GIN1: variants seen among roughly 807,000 people sequenced by gnomAD.
GIN1 encodes the protein gypsy retrotransposon integrase-like protein 1.
Under a neutral mutation model 51.4 loss-of-function variants are expected in GIN1, and 41 were observed. That is an observed-to-expected ratio of 0.80 (90% CI 0.62 to 1.04). The LOEUF (loss-of-function observed/expected upper bound fraction) is 1.04. GIN1 is among the 50% of genes least tolerant of loss of function. GIN1 has a pLI of 0.00. For synonymous variants in GIN1, 222 were observed against 206.5 expected, an observed-to-expected ratio of 1.07 and a Z score of -0.64; for missense variants, 610 against 612.4, an observed-to-expected ratio of 1.00 and a Z score of 0.04.
At chr5:103,107,903 G>A (rs1787770081) in intron 2 of GIN1, among the ~76,000 whole-genome samples, 1 of 152,048 alleles carries the variant, frequency 6.6e-6, no homozygotes, top group South Asian at 2.1e-4. Context: ...GTAAGCCTAA[G>A]AGGCAAAATT....
At chr5:103,093,353 C>T (rs1787307416) in intron 7 of GIN1, among the ~76,000 whole-genome samples, 2 of 152,088 alleles carry the variant, frequency 1.3e-5, no homozygotes, top group African/African-American at 4.8e-5. Context: ...AAGAAGGACT[C>T]AACCCACTAT....
chr5:103,106,890 A>G lies in GIN1; in HGVS notation c.159T>C (p.Val53=). The part of the protein sequence containing the change: ...FVFKEKKLFY[V]GKDRKQNRLV... ...AACGATTTTGTTTTCTGTCTTTTCC[A>G]ACATAAAACAGCTTTTTTTCTGGAA... Residue 53 remains valine, a synonymous_variant, in exon 3 of 8, where the codon GTT becomes GTC. Transcript: ENST00000399004. 1.3e-6 allele frequency: 2 copies of G among 1,566,520 alleles called. No individual in the cohort carries two copies. The highest frequency in any genetic ancestry group is 1.2e-5 in the South Asian group (1 of 84,040).
intron 4 of GIN1, among the ~76,000 whole-genome samples, chr5:103,104,213 A>C (rs1227116479): frequency 6.6e-6 from 1 of 152,164 alleles, no homozygotes; most frequent in Non-Finnish European, 1.5e-5. Flanking sequence ...TCAGCCTCCT[A>C]AACTGTTGGG....
intron 4 of GIN1, among the ~76,000 whole-genome samples, chr5:103,100,264 T>C (rs928419135): frequency 2.6e-5 from 4 of 152,018 alleles, no homozygotes; most frequent in Admixed American, 2.0e-4. Flanking sequence ...CACTCCTGGC[T>C]AATTGTTGCA....
At chr5:103,098,835 T>C (rs1241116556) in intron 4 of GIN1, among the ~76,000 whole-genome samples, 1 of 152,200 alleles carries the variant, frequency 6.6e-6, no homozygotes, top group African/African-American at 2.4e-5. Flanking sequence ...TTAAAAAGCA[T>C]GTAAAACAGT....
chr5:103,102,191 T>C (rs529328015), intron 4 of GIN1: 8 of 152,346 alleles, frequency 5.3e-5, no homozygotes, highest in African/African-American at 1.4e-4. Context: ...CTGAAAATAC[T>C]TTTGGTATTG....
Position 103,106,833 on chromosome 5 carries a change from T to C in GIN1, c.216A>G (p.Lys72=). 1 of 1,603,222 alleles carries C rather than the reference T, an allele frequency of 6.2e-7. No homozygotes were observed. Among genetic ancestry groups the C allele is most frequent in the Non-Finnish European group, 8.5e-7 (1 of 1,173,630 alleles). Reference sequence around the variant, plus strand: ...CATTTTCATGGCATTCTCTTAAGACTTTCTTTTTTTCCTCTTCTGAAACAA... The same window carrying C: ...CATTTTCATGGCATTCTCTTAAGACCTTCTTTTTTTCCTCTTCTGAAACAA... The part of the protein sequence containing the change: ...LVIVSEEEKK[K]VLRECHENDS... The change falls in exon 3 of 8, where the codon AAA becomes AAG. Residue 72 remains lysine (K), a synonymous_variant. Coordinates refer to ENST00000399004, the MANE Select transcript of GIN1 (RefSeq NM_017676.2).
chr5:103,117,836 A>T (rs1044358908), intron 1 of GIN1, among the ~76,000 whole-genome samples: 1 of 152,138 alleles, frequency 6.6e-6, no homozygotes, highest in African/African-American at 2.4e-5. Context: ...ACTCAAGGTA[A>T]TAAAGTGAGT....
intron 7 of GIN1, among the ~76,000 whole-genome samples, chr5:103,090,901 AC>A (rs1554194476): frequency 3.1e-5 from 2 of 65,362 alleles, no homozygotes; most frequent in Non-Finnish European, 6.8e-5. Flanking sequence ...TCACACACGA[AC>A]ACACACACAC....
chr5:103,110,130 G>T (rs1405168890), intron 1 of GIN1, among the ~76,000 whole-genome samples: 1 of 151,466 alleles, frequency 6.6e-6, no homozygotes, highest in African/African-American at 2.4e-5. Context: ...AAATAACAAT[G>T]ATTCTGGAAG....
chr5:103,106,963 T>C, intron 2 of GIN1, 54 bp from the exon 3 acceptor site: 1 of 944,470 alleles, frequency 1.1e-6, no homozygotes, highest in Non-Finnish European at 1.6e-6. Flanking sequence ...ATCTACGTAG[T>C]TTTAAGAGAA....
chr5:103,090,668 T>C (rs1249779042), intron 7 of GIN1, among the ~76,000 whole-genome samples: 7 of 152,160 alleles, frequency 4.6e-5, no homozygotes, highest in Admixed American at 4.6e-4. Context: ...AGTTTTTTCA[T>C]ACAGATGAAG....
intron 2 of GIN1, among the ~76,000 whole-genome samples, chr5:103,107,401 C>T (rs1787757328): frequency 1.3e-5 from 2 of 152,048 alleles, no homozygotes; most frequent in Admixed American, 6.6e-5. Flanking sequence ...GATGGTGAAG[C>T]GGGCAAGTGG....
intron 1 of GIN1, among the ~76,000 whole-genome samples, chr5:103,117,902 C>T (rs1214986751): frequency 1.3e-5 from 2 of 152,078 alleles, no homozygotes; most frequent in East Asian, 1.9e-4. Context: ...ACGCTTTTCC[C>T]CCCTGCTATA....
rs1384508959 is a variant in GIN1, at chr5:103,086,765, C to T, written c.*1133G>A. 6.6e-6 allele frequency: 1 copy of T among 152,202 alleles called. No homozygotes were observed. The highest frequency in any genetic ancestry group is 1.5e-5 in the Non-Finnish European group (1 of 68,038). 9.4% of individuals were successfully genotyped at this position (152,202 alleles called of 1,614,324 possible). A position where few individuals can be genotyped will look rare whatever the true frequency, so the allele number is the denominator to read the frequency against. On this transcript the variant is annotated 3_prime_UTR_variant, in exon 8 of 8. Coordinates refer to ENST00000399004, the MANE Select transcript of GIN1 (RefSeq NM_017676.2). ...TGTACATGGCTTACATAGTTTATTA[C>T]CTACCAGACAGTAAGTCCTTTATAA... is the stretch of plus-strand genomic sequence containing the variant.
intron 1 of GIN1, among the ~76,000 whole-genome samples, chr5:103,113,621 A>C (rs1554197116): frequency 6.6e-6 from 1 of 151,042 alleles, no homozygotes; most frequent in Non-Finnish European, 1.5e-5. Flanking sequence ...TCCCAGGCTC[A>C]AGCAAATTTT....
At chr5:103,094,875 G>C (rs1787348784) in intron 7 of GIN1, among the ~76,000 whole-genome samples, 1 of 152,172 alleles carries the variant, frequency 6.6e-6, no homozygotes, top group Non-Finnish European at 1.5e-5. Context: ...GAGAACGAAA[G>C]CACTTGTGAG....
At chr5:103,115,258 C>T (rs1554197275) in intron 1 of GIN1, among the ~76,000 whole-genome samples, 1 of 152,116 alleles carries the variant, frequency 6.6e-6, no homozygotes, top group African/African-American at 2.4e-5. Context: ...TCACCCACAA[C>T]AGCCAAATGA....
intron 4 of GIN1, among the ~76,000 whole-genome samples, chr5:103,099,100 A>G (rs1391858403): frequency 6.6e-6 from 1 of 152,130 alleles, no homozygotes; most frequent in Non-Finnish European, 1.5e-5. Context: ...ATAACTAAAT[A>G]GGCAAAGTTA....
Sources: gnomAD v4.1 joint callset for allele counts (sites outside exome capture counted in the v4.1 genomes callset) on GRCh38, gnomAD v4.1.1 for gene constraint, MANE v1.5 for transcripts, NCBI Gene and HGNC (gene_info 2026-07-23, HGNC 2026-07-21) for gene names.